Variants in TENM4 observed in about 807,000 individuals in gnomAD.
TENM4 encodes the protein teneurin transmembrane protein 4.
TENM4 carries 82 observed loss-of-function variants against 243.3 expected under a neutral mutation model. That is an observed-to-expected ratio of 0.34 (90% CI 0.28 to 0.40). TENM4 has a LOEUF of 0.40. Ranked by LOEUF, TENM4 falls within the 10% of genes least tolerant of loss-of-function variation. The pLI is 1.00. For synonymous variants in TENM4, 1,412 were observed against 1,456.3 expected (o/e 0.97, Z 0.69); for missense variants, 3,138 against 3,673.3 (o/e 0.85, Z 3.77).
chr11:79,318,874 T>C (rs1279290373), intron 1 of TENM4, among the ~76,000 whole-genome samples: 1 of 152,178 alleles, frequency 6.6e-6, no homozygotes, highest in Non-Finnish European at 1.5e-5. Context: ...AGAAAACTCC[T>C]CTCCATGTTT....
At chr11:79,128,036 G>A (rs1001605194) in intron 4 of TENM4, among the ~76,000 whole-genome samples, 29 of 152,160 alleles carry the variant, frequency 1.9e-4, no homozygotes, top group African/African-American at 6.8e-4. Context: ...TTTTGAGTGG[G>A]GTCCAGAAAA....
chr11:79,298,343 G>A (rs367663354), intron 1 of TENM4, among the ~76,000 whole-genome samples: 126 of 151,510 alleles, frequency 8.3e-4, no homozygotes, highest in Middle Eastern at 3.4e-3. Context: ...GTGAAACCCC[G>A]TCTCTACTAA....
At chr11:79,022,090 C>A (rs760415587) in intron 6 of TENM4, among the ~76,000 whole-genome samples, 1 of 152,144 alleles carries the variant, frequency 6.6e-6, no homozygotes, top group East Asian at 1.9e-4. Flanking sequence ...CTAACATAAG[C>A]GTTAGGGAGG....
At chr11:79,231,403 A>G (rs970175133) in intron 2 of TENM4, among the ~76,000 whole-genome samples, 1 of 152,054 alleles carries the variant, frequency 6.6e-6, no homozygotes, top group Non-Finnish European at 1.5e-5. Context: ...TTTTTAATTT[A>G]AAGGGCTGAG....
intron 6 of TENM4, among the ~76,000 whole-genome samples, chr11:78,942,583 C>T (rs968714738): frequency 3.9e-5 from 6 of 152,132 alleles, no homozygotes; most frequent in Non-Finnish European, 8.8e-5. Context: ...TGCTCTAGGG[C>T]AAAGGCTGAC....
chr11:78,722,643 A>G (rs747553833), intron 24 of TENM4, 25 bp downstream of exon 24: 1 of 1,603,266 alleles, frequency 6.2e-7, no homozygotes, highest in Non-Finnish European at 8.5e-7. Flanking sequence ...ATTAGGAACT[A>G]TGAAGAAAGC....
chr11:78,833,748 C>T (rs564794207), intron 12 of TENM4, among the ~76,000 whole-genome samples: 53 of 152,274 alleles, frequency 3.5e-4, no homozygotes, highest in Non-Finnish European at 6.6e-4. Flanking sequence ...AAAGGTGAAT[C>T]GGGGGTATGA....
chr11:79,407,919 T>G (rs1858607900), intron 1 of TENM4, among the ~76,000 whole-genome samples: 1 of 151,840 alleles, frequency 6.6e-6, no homozygotes, highest in African/African-American at 2.4e-5. Context: ...CTTTTTTTTT[T>G]TTTTAAGAGA....
At chr11:78,975,427 T>A (rs1257436746) in intron 6 of TENM4, among the ~76,000 whole-genome samples, 1 of 152,076 alleles carries the variant, frequency 6.6e-6, no homozygotes, top group Admixed American at 6.5e-5. Context: ...CTGGCCAACG[T>A]GACCAAGGAG....
intron 6 of TENM4, among the ~76,000 whole-genome samples, chr11:78,951,434 T>C (rs1422939959): frequency 6.6e-6 from 1 of 152,194 alleles, no homozygotes; most frequent in Non-Finnish European, 1.5e-5. Flanking sequence ...ACATGCAAAG[T>C]CTGTATGTCT....
intron 1 of TENM4, among the ~76,000 whole-genome samples, chr11:79,347,227 G>A (rs890679669): frequency 1.3e-5 from 2 of 152,132 alleles, no homozygotes; most frequent in African/African-American, 2.4e-5. Flanking sequence ...CATAAATAAA[G>A]CTTCCAGGCA....
Position 79,218,043 on chromosome 11 carries a change from A to G in TENM4, c.-264-2134T>C, listed in dbSNP as rs564932853. On this transcript the variant is annotated intron_variant, in intron 2 of 33. Transcript: ENST00000278550. ...GGTAGGAAAATTAATGGGCACAAGTAAAGTTAACAAGAGTTTGGGAGTAAA... is the reference window on the plus strand; with the variant it reads ...GGTAGGAAAATTAATGGGCACAAGTGAAGTTAACAAGAGTTTGGGAGTAAA... Among the ~76,000 whole-genome samples, 35 of 152,318 alleles carry G rather than the reference A, an allele frequency of 2.3e-4. No individual in the cohort carries two copies. In the South Asian group the frequency reaches 7.3e-3, roughly 32 times the overall value.
At chr11:79,330,705 G>A (rs1464744024) in intron 1 of TENM4, among the ~76,000 whole-genome samples, 1 of 152,170 alleles carries the variant, frequency 6.6e-6, no homozygotes, top group African/African-American at 2.4e-5. Flanking sequence ...AATTAACCCT[G>A]TGAAATTTTA....
At chr11:78,718,107 T>C (rs952119778) in intron 25 of TENM4, among the ~76,000 whole-genome samples, 3 of 152,114 alleles carry the variant, frequency 2.0e-5, no homozygotes, top group Non-Finnish European at 2.9e-5. Flanking sequence ...GGACAGTTAA[T>C]GGAGGAAGAG....
At chr11:78,875,026 T>G (rs1217033002) in intron 9 of TENM4, among the ~76,000 whole-genome samples, 3 of 152,144 alleles carry the variant, frequency 2.0e-5, no homozygotes, top group Admixed American at 6.5e-5. Context: ...TACTACAAGG[T>G]GCTGTTGCTC....
chr11:78,738,346 A>G, intron 20 of TENM4, 105 bp downstream of exon 20: 1 of 1,458,016 alleles, frequency 6.9e-7, no homozygotes, highest in East Asian at 2.5e-5. Flanking sequence ...GGCCCTCTGA[A>G]TCCAAGACCC....
chr11:78,904,743 T>C (rs1050148001), intron 6 of TENM4, among the ~76,000 whole-genome samples: 4 of 152,202 alleles, frequency 2.6e-5, no homozygotes, highest in African/African-American at 9.7e-5. Context: ...CACCAATTTA[T>C]AGATGAAAAA....
At chr11:78,729,093 G>C (rs189544167) in intron 22 of TENM4, among the ~76,000 whole-genome samples, 1 of 152,228 alleles carries the variant, frequency 6.6e-6, no homozygotes, top group African/African-American at 2.4e-5. Context: ...ACCTGGCCCT[G>C]CCTTTGTGGC....
intron 6 of TENM4, among the ~76,000 whole-genome samples, chr11:78,992,447 C>T (rs1400333612): frequency 1.3e-5 from 2 of 152,206 alleles, no homozygotes; most frequent in Non-Finnish European, 2.9e-5. Context: ...TCTGATTACA[C>T]TGTGCATTGC....
Sources: allele counts gnomAD v4.1 joint callset (sites outside exome capture counted in the v4.1 genomes callset), GRCh38; gene constraint gnomAD v4.1.1; transcripts MANE v1.5; gene names NCBI Gene and HGNC (gene_info 2026-07-23, HGNC 2026-07-21).